PTK2B: variants seen among roughly 807,000 people sequenced by gnomAD.
PTK2B encodes protein tyrosine kinase 2 beta.
PTK2B carries 71 observed loss-of-function variants against 142.9 expected under a neutral mutation model. The observed-to-expected ratio is 0.50, with a 90% CI of 0.41 to 0.61. The LOEUF (loss-of-function observed/expected upper bound fraction) is 0.61, where lower values mean the gene tolerates loss of function less well. Among genes scored for constraint, PTK2B ranks in the 20% least tolerant of loss-of-function variants. The pLI, the probability that PTK2B is intolerant of heterozygous loss-of-function variation, is 0.00. For missense variants in PTK2B, 1,105 were observed against 1,320.4 expected, an observed-to-expected ratio of 0.84 and a Z score of 2.53; for synonymous variants, 519 against 503.4, an observed-to-expected ratio of 1.03 and a Z score of -0.42.
intron 5 of PTK2B, among the ~76,000 whole-genome samples, chr8:27,424,049 A>G (rs1809922910): frequency 6.6e-6 from 1 of 152,084 alleles, no homozygotes. Context: ...CCCTTCTCAG[A>G]CTGCTCGGCT....
At chr8:27,321,149 C>T (rs1336628368), upstream of PTK2B, among the ~76,000 whole-genome samples, 1 of 151,916 alleles carries the variant, frequency 6.6e-6, no homozygotes, top group African/African-American at 2.4e-5. Flanking sequence ...TGCATACCAC[C>T]ATGCCCAGCT....
intron 26 of PTK2B, 120 bp from the exon 27 acceptor site, chr8:27,451,365 G>T: frequency 6.7e-7 from 1 of 1,499,890 alleles, no homozygotes; most frequent in South Asian, 1.3e-5. Flanking sequence ...AAGCACCCCC[G>T]ACCCCATGGC....
At chr8:27,449,325 G>A (rs1372196817) in intron 24 of PTK2B, among the ~76,000 whole-genome samples, 7 of 152,210 alleles carry the variant, frequency 4.6e-5, no homozygotes, top group African/African-American at 1.7e-4. Context: ...AACTCATGGG[G>A]AAACGTGTGA....
intron 30 of PTK2B, among the ~76,000 whole-genome samples, chr8:27,457,909 G>T (rs1267745191): frequency 6.6e-6 from 1 of 151,032 alleles, no homozygotes; most frequent in Non-Finnish European, 1.5e-5. Context: ...CAGGAGGCGG[G>T]CATTGCAGTG....
chr8:27,431,495 C>T, intron 9 of PTK2B, 23 bp downstream of exon 9: 1 of 1,613,246 alleles, frequency 6.2e-7, no homozygotes, highest in Non-Finnish European at 8.5e-7. Context: ...GGGGCAGCCC[C>T]ACCCAGCCCC....
intron 2 of PTK2B, among the ~76,000 whole-genome samples, chr8:27,406,865 C>T (rs1808745648): frequency 6.6e-6 from 1 of 152,180 alleles, no homozygotes; most frequent in African/African-American, 2.4e-5. Context: ...GACACCTGCC[C>T]CTCCTGCTCT....
chr8:27,453,128 C>T lies in PTK2B; in HGVS notation c.2563C>T (p.Pro855Ser). The part of the protein sequence containing the change: ...KEVGYLEFTG[P>S]PQKPPRLGAQ... ...TTTTATTGCAGTGGAGTTCACAGGG[C>T]CCCCACAGAAGCCCCCGAGGCTGGG... Residue 855 changes from proline (P) to serine (S), a missense_variant, in exon 28 of 31, where the codon CCC becomes TCC. Pro to Ser is a moderately conservative substitution (Grantham distance 74). Coordinates refer to ENST00000346049, the MANE Select transcript of PTK2B (RefSeq NM_173176.3). 2.5e-6 allele frequency: 4 copies of T among 1,614,050 alleles called. No individual in the cohort carries two copies. The highest frequency in any genetic ancestry group is 3.4e-6 in the Non-Finnish European group (4 of 1,179,988).
At chr8:27,338,920 A>G (rs1804233295) in intron 1 of PTK2B, among the ~76,000 whole-genome samples, 1 of 152,214 alleles carries the variant, frequency 6.6e-6, no homozygotes, top group Admixed American at 6.5e-5. Context: ...AAGTAAACCA[A>G]TCAAGCAACC....
At chr8:27,442,559 G>A (rs888602336) in intron 21 of PTK2B, among the ~76,000 whole-genome samples, 1 of 152,228 alleles carries the variant, frequency 6.6e-6, no homozygotes, top group African/African-American at 2.4e-5. Context: ...AAGCCCAGGA[G>A]GGCAAAAGGC....
intron 23 of PTK2B, among the ~76,000 whole-genome samples, chr8:27,445,061 T>C (rs1023360420): frequency 6.6e-6 from 1 of 152,086 alleles, no homozygotes; most frequent in Non-Finnish European, 1.5e-5. Context: ...AAAAGAGATA[T>C]ACCCATGTGC....
At chr8:27,423,237 G>A (rs1219815849) in intron 5 of PTK2B, among the ~76,000 whole-genome samples, 3 of 152,162 alleles carry the variant, frequency 2.0e-5, no homozygotes, top group Non-Finnish European at 1.5e-5. Context: ...TGCCATTCAG[G>A]ACTGAGGAGG....
intron 27 of PTK2B, chr8:27,451,953 C>T: frequency 4.5e-6 from 1 of 222,686 alleles, no homozygotes; most frequent in Non-Finnish European, 7.8e-6. Context: ...CTCCAGAAGA[C>T]CCTGTTGCAG....
intron 1 of PTK2B, among the ~76,000 whole-genome samples, chr8:27,381,342 A>G (rs1221333496): frequency 6.6e-6 from 1 of 152,018 alleles, no homozygotes; most frequent in Admixed American, 6.6e-5. Context: ...TCCACCTTCC[A>G]CCCTGCCCTT....
chr8:27,344,729 T>G (rs1445004273), intron 1 of PTK2B, among the ~76,000 whole-genome samples: 1 of 152,198 alleles, frequency 6.6e-6, no homozygotes, highest in Non-Finnish European at 1.5e-5. Context: ...TTCCTTGTGC[T>G]TCTGCCACCT....
intron 1 of PTK2B, among the ~76,000 whole-genome samples, chr8:27,348,421 G>A (rs1804841101): frequency 6.6e-6 from 1 of 152,064 alleles, no homozygotes; most frequent in African/African-American, 2.4e-5. Flanking sequence ...TTCCCACTCT[G>A]CTTTCCAGCT....
chr8:27,421,579 C>T lies in PTK2B; in HGVS notation c.472-725C>T, dbSNP rs531826780. Reference sequence around the variant, plus strand: ...TTGGTTTTCCATTCTGGAGTTAATTCACTTAGAATAATGGTCTCCAACTCC... The same window carrying T: ...TTGGTTTTCCATTCTGGAGTTAATTTACTTAGAATAATGGTCTCCAACTCC... On this transcript the variant is annotated intron_variant, in intron 4 of 30. Transcript: ENST00000346049. Among the ~76,000 whole-genome samples the T allele has an allele frequency of 2.0e-5, 3 of 152,340 alleles. No individual in the cohort carries two copies. The South Asian group carries it at 6.2e-4, about 32-fold the overall frequency.
At position 27,435,766 on chromosome 8, in the gene PTK2B, C is replaced by G. The variant is rs745851920; in HGVS notation, c.1216C>G (p.Pro406Ala). 3 of 1,614,140 alleles carry G rather than the reference C, an allele frequency of 1.9e-6. No individual in the cohort carries two copies. The East Asian group carries it at 6.7e-5, about 36-fold the overall frequency. Residue 406 changes from proline (P) to alanine (A), a missense_variant, in exon 14 of 31, where the codon CCC (proline) becomes GCC (alanine). By Grantham distance (27) the Pro-to-Ala change is conservative. Transcript: ENST00000346049. ...SIESDIYAEI[P>A]DETLRRPGGP... is the part of the protein sequence containing the mutation. ...AGAGTCAGACATCTACGCAGAGATT[C>G]CCGACGAAACCCTGCGAAGGCCCGG...
chr8:27,447,981 G>A (rs950440800), intron 24 of PTK2B, among the ~76,000 whole-genome samples: 6 of 152,224 alleles, frequency 3.9e-5, no homozygotes, highest in African/African-American at 7.2e-5. Context: ...GCTTACAGTC[G>A]ACCAGAAGGA....
At chr8:27,432,421 G>A in intron 10 of PTK2B, 60 bp downstream of exon 10, 1 of 1,506,808 alleles carries the variant, frequency 6.6e-7, no homozygotes, top group Non-Finnish European at 9.1e-7. Context: ...TGGCAGATTG[G>A]GAGCTCTTGC....
Sources: gnomAD v4.1 joint callset for allele counts (sites outside exome capture counted in the v4.1 genomes callset) on GRCh38, gnomAD v4.1.1 for gene constraint, MANE v1.5 for transcripts, NCBI Gene and HGNC (gene_info 2026-07-23, HGNC 2026-07-21) for gene names.